The following LHFPL3 variants were observed in gnomAD, a reference collection of about 807,000 sequenced individuals.
LHFPL3 encodes the protein LHFPL tetraspan subfamily member 3.
A neutral mutation model predicts 19.3 loss-of-function variants in LHFPL3; 5 were observed. That is an observed-to-expected ratio of 0.26 (90% CI 0.14 to 0.54). The LOEUF (loss-of-function observed/expected upper bound fraction) is 0.54. Among genes scored for constraint, LHFPL3 ranks in the 20% least tolerant of loss-of-function variants. LHFPL3 has a pLI of 0.94. For synonymous variants in LHFPL3, 133 were observed against 126.2 expected (o/e 1.05, Z -0.36); for missense variants, 249 against 307.4 (o/e 0.81, Z 1.42).
intron 2 of LHFPL3, among the ~76,000 whole-genome samples, chr7:104,886,909 T>C (rs1261789497): frequency 6.6e-6 from 1 of 152,150 alleles, no homozygotes; most frequent in African/African-American, 2.4e-5. Flanking sequence ...ACTCTTTAAG[T>C]CCTCCCGGGG....
chr7:104,717,119 T>C (rs941513181), intron 1 of LHFPL3, among the ~76,000 whole-genome samples: 19 of 152,038 alleles, frequency 1.2e-4, no homozygotes, highest in African/African-American at 4.1e-4. Flanking sequence ...AAGTAGGAAA[T>C]TGGAATCTTA....
chr7:104,337,350 T>C (rs1354549533), intron 1 of LHFPL3, among the ~76,000 whole-genome samples: 1 of 152,146 alleles, frequency 6.6e-6, no homozygotes, highest in Non-Finnish European at 1.5e-5. Context: ...CCTATTTAAT[T>C]TGATATCATC....
At chr7:104,411,065 A>T (rs918733951) in intron 1 of LHFPL3, among the ~76,000 whole-genome samples, 10 of 152,228 alleles carry the variant, frequency 6.6e-5, no homozygotes, top group Non-Finnish European at 1.2e-4. Context: ...TCGTGAAAGT[A>T]GATTCTAACT....
At chr7:104,888,442 G>A (rs1405625165) in intron 2 of LHFPL3, among the ~76,000 whole-genome samples, 1 of 152,176 alleles carries the variant, frequency 6.6e-6, no homozygotes, top group African/African-American at 2.4e-5. Context: ...AGGCAGGAGG[G>A]TCTCTTGGAC....
At chr7:104,461,464 C>T (rs1792661191) in intron 1 of LHFPL3, among the ~76,000 whole-genome samples, 1 of 152,172 alleles carries the variant, frequency 6.6e-6, no homozygotes. Flanking sequence ...ATAGTGAGTC[C>T]TTTCACCATT....
chr7:104,627,409 A>G (rs912927415), intron 1 of LHFPL3, among the ~76,000 whole-genome samples: 11 of 152,278 alleles, frequency 7.2e-5, no homozygotes, highest in African/African-American at 2.4e-4. Flanking sequence ...TACCTTGGCT[A>G]TTGACATTAC....
At chr7:104,807,011 ATGTGTG>A (rs10665231) in intron 2 of LHFPL3, among the ~76,000 whole-genome samples, 3,595 of 139,762 alleles carry the variant, frequency 0.026, 129 homozygotes, top group African/African-American at 0.087. Context: ...CAAAATATAT[ATGTGTG>A]TGTGTGTGTG....
chr7:104,362,357 A>C lies in LHFPL3; in HGVS notation c.445+33133A>C, dbSNP rs574450307. ...AGGCTGGAATTAGTAAACTCATTAC[A>C]TCATAAAAAGAGCCATTGCCAGGTT... On this transcript the variant is annotated intron_variant, in intron 1 of 2. Transcript: ENST00000424859. Among the ~76,000 whole-genome samples the C allele has an allele frequency of 5.9e-5, 9 of 152,326 alleles. No individual in the cohort carries two copies. The East Asian group carries it at 1.7e-3, about 29-fold the overall frequency.
intron 1 of LHFPL3, among the ~76,000 whole-genome samples, chr7:104,403,005 A>G (rs756906567): frequency 3.3e-5 from 5 of 152,166 alleles, no homozygotes; most frequent in South Asian, 2.1e-4. Context: ...GAGTTGAACA[A>G]TTGGAACACG....
At chr7:104,616,349 C>T (rs1284554522) in intron 1 of LHFPL3, among the ~76,000 whole-genome samples, 1 of 152,176 alleles carries the variant, frequency 6.6e-6, no homozygotes, top group East Asian at 1.9e-4. Context: ...CTAAAACCAT[C>T]TGATCTTTGA....
At chr7:104,631,878 G>A (rs1791647928) in intron 1 of LHFPL3, among the ~76,000 whole-genome samples, 1 of 152,166 alleles carries the variant, frequency 6.6e-6, no homozygotes, top group South Asian at 2.1e-4. Context: ...TAACTTATTA[G>A]CATCCTTGAG....
intron 1 of LHFPL3, among the ~76,000 whole-genome samples, chr7:104,431,753 T>A (rs1792006888): frequency 6.6e-6 from 1 of 152,236 alleles, no homozygotes; most frequent in South Asian, 2.1e-4. Context: ...TTTGTCTCTT[T>A]GCATCTAATA....
At chr7:104,855,532 G>C (rs758851475) in intron 2 of LHFPL3, among the ~76,000 whole-genome samples, 25 of 152,092 alleles carry the variant, frequency 1.6e-4, no homozygotes, top group Non-Finnish European at 3.4e-4. Context: ...TGTCAGACTA[G>C]AGAAACAGAT....
At chr7:104,896,194 T>C (rs553239706) in intron 2 of LHFPL3, 37 of 152,344 alleles carry the variant, frequency 2.4e-4, no homozygotes, top group African/African-American at 8.7e-4. Flanking sequence ...ATTTACACTT[T>C]GGGAGACATA....
At chr7:104,437,972 T>C (rs959697621) in intron 1 of LHFPL3, among the ~76,000 whole-genome samples, 1 of 152,204 alleles carries the variant, frequency 6.6e-6, no homozygotes, top group African/African-American at 2.4e-5. Flanking sequence ...TTGGTCCTTC[T>C]GGTGACCAGC....
chr7:104,749,000 C>CTAT (rs1481142331), intron 2 of LHFPL3, among the ~76,000 whole-genome samples: 2 of 152,334 alleles, frequency 1.3e-5, no homozygotes, highest in Non-Finnish European at 2.9e-5. Flanking sequence ...CATTCTTTTA[C>CTAT]TATTTAAGTC....
intron 1 of LHFPL3, among the ~76,000 whole-genome samples, chr7:104,375,105 A>G (rs1259225943): frequency 1.3e-5 from 2 of 152,182 alleles, no homozygotes; most frequent in Non-Finnish European, 1.5e-5. Context: ...TTGGGAGGCC[A>G]AGGCGGGCGG....
At chr7:104,489,622 T>A (rs1399127591) in intron 1 of LHFPL3, among the ~76,000 whole-genome samples, 2 of 151,592 alleles carry the variant, frequency 1.3e-5, no homozygotes, top group Admixed American at 1.3e-4. Context: ...CCCTTTCAGA[T>A]CCCCCTTGCC....
chr7:104,671,105 C>T (rs1237300779), intron 1 of LHFPL3, among the ~76,000 whole-genome samples: 1 of 151,902 alleles, frequency 6.6e-6, no homozygotes, highest in Non-Finnish European at 1.5e-5. Context: ...TTGGTTTATG[C>T]GTGCTGCAGC....
Sources: allele counts gnomAD v4.1 joint callset (sites outside exome capture counted in the v4.1 genomes callset), GRCh38; gene constraint gnomAD v4.1.1; transcripts MANE v1.5; gene names NCBI Gene and HGNC (gene_info 2026-07-23, HGNC 2026-07-21).